The following EPSTI1 variants were observed in gnomAD, a reference collection of about 807,000 sequenced individuals.
The protein encoded by EPSTI1 is epithelial stromal interaction 1, also known as epithelial-stromal interaction protein 1.
EPSTI1 carries 66 observed loss-of-function variants against 49.9 expected under a neutral mutation model. The ratio of observed to expected loss-of-function variants is 1.32; its 90% CI spans 1.08 to 1.62. The LOEUF (loss-of-function observed/expected upper bound fraction) is 1.62, where lower values mean the gene tolerates loss of function less well. EPSTI1 is among the 40% of genes most tolerant of loss of function. EPSTI1 has a pLI of 0.00. For missense variants in EPSTI1, 394 were observed against 365.5 expected, an observed-to-expected ratio of 1.08 and a Z score of -0.64; for synonymous variants, 137 against 130.7, an observed-to-expected ratio of 1.05 and a Z score of -0.33.
At chr13:42,926,258 C>T (rs1186176697) in intron 7 of EPSTI1, 78 bp downstream of exon 7, 1 of 862,544 alleles carries the variant, frequency 1.2e-6, no homozygotes, top group African/African-American at 1.6e-5. Context: ...GTACAAGTCA[C>T]TCTATATCCC....
chr13:42,932,708 T>C (rs1007380338), intron 6 of EPSTI1, among the ~76,000 whole-genome samples: 1 of 151,438 alleles, frequency 6.6e-6, no homozygotes, highest in Non-Finnish European at 1.5e-5. Context: ...GATATTAGTA[T>C]AGTCTTAAAA....
At chr13:42,925,753 A>AG (rs2038151890) in intron 7 of EPSTI1, among the ~76,000 whole-genome samples, 1 of 152,238 alleles carries the variant, frequency 6.6e-6, no homozygotes, top group African/African-American at 2.4e-5. Flanking sequence ...ATACCTGGAA[A>AG]GACTCATCAC....
At chr13:42,921,010 A>G (rs1384719102) in intron 7 of EPSTI1, among the ~76,000 whole-genome samples, 1 of 152,198 alleles carries the variant, frequency 6.6e-6, no homozygotes, top group African/African-American at 2.4e-5. Flanking sequence ...AGTCACAGAT[A>G]ACTTACAGGA....
At chr13:42,890,039 T>C (rs1240094165) in intron 10 of EPSTI1, among the ~76,000 whole-genome samples, 2 of 152,142 alleles carry the variant, frequency 1.3e-5, no homozygotes, top group Admixed American at 6.5e-5. Flanking sequence ...CCGTCTGTCA[T>C]ACAAAAAACT....
chr13:42,935,892 C>T lies in EPSTI1; in HGVS notation c.564-9463G>A, dbSNP rs1380509399. The stretch of plus-strand genomic sequence containing the variant: ...GAGGTGTGAGCCACCATGCCCGGCC[C>T]ACTCATGAATTCTTCTCCTGTACCT... On this transcript the variant is annotated intron_variant, in intron 6 of 10. Coordinates refer to ENST00000313624, the MANE Select transcript of EPSTI1 (RefSeq NM_033255.5). Among the ~76,000 whole-genome samples the T allele has an allele frequency of 9.9e-5, 15 of 152,154 alleles. No homozygotes were observed. In the Middle Eastern group the frequency reaches 0.01, roughly 104 times the overall value.
In EPSTI1 at chr13:42,973,614, T is replaced by C. The variant is rs553131931; in HGVS notation, c.189-2944A>G. Among the ~76,000 whole-genome samples the C allele has an allele frequency of 3.9e-5, 6 of 152,342 alleles. No homozygotes were observed. The East Asian group carries it at 9.6e-4, about 24-fold the overall frequency. On this transcript the variant is annotated intron_variant, in intron 1 of 10. Transcript: ENST00000313624. ...CATGTGTCAGAGTGTAATGCCTTAG[T>C]AGATACAAATATTCATCCCTTCTTT...
chr13:42,904,528 T>A (rs1399933205), intron 8 of EPSTI1, among the ~76,000 whole-genome samples: 2 of 152,228 alleles, frequency 1.3e-5, no homozygotes, highest in Non-Finnish European at 2.9e-5. Context: ...GTAAGACGTA[T>A]ACATCTCTTG....
chr13:42,942,140 G>A (rs1414335705), intron 6 of EPSTI1, among the ~76,000 whole-genome samples: 1 of 151,966 alleles, frequency 6.6e-6, no homozygotes, highest in African/African-American at 2.4e-5. Flanking sequence ...AATTCAATTT[G>A]TCTCATACTA....
intron 1 of EPSTI1, among the ~76,000 whole-genome samples, chr13:42,981,398 A>G (rs9315977): frequency 0.64 from 96,770 of 151,998 alleles, 31,221 homozygotes; most frequent in Non-Finnish European, 0.67. Context: ...GATTATTGTT[A>G]GTAATATGTT....
chr13:42,972,133 C>G (rs915864315), intron 1 of EPSTI1, among the ~76,000 whole-genome samples: 2 of 152,078 alleles, frequency 1.3e-5, no homozygotes, highest in Middle Eastern at 3.2e-3. Flanking sequence ...ACATCAGATA[C>G]GAGACGTAAA....
chr13:42,921,332 A>G (rs1301842319), intron 7 of EPSTI1, among the ~76,000 whole-genome samples: 11 of 152,200 alleles, frequency 7.2e-5, no homozygotes, highest in Non-Finnish European at 2.9e-5. Context: ...TTAGAAGAGC[A>G]ATGCCTCAAA....
At chr13:42,936,753 C>T (rs1246860686) in intron 6 of EPSTI1, among the ~76,000 whole-genome samples, 1 of 152,178 alleles carries the variant, frequency 6.6e-6, no homozygotes, top group African/African-American at 2.4e-5. Flanking sequence ...TTCGTGTGTA[C>T]AACTGCCCAT....
chr13:42,960,462 C>T (rs1332496248), intron 5 of EPSTI1, among the ~76,000 whole-genome samples: 3 of 152,166 alleles, frequency 2.0e-5, no homozygotes, highest in South Asian at 2.1e-4. Flanking sequence ...TACTCTAATG[C>T]TCTAATGTCT....
chr13:42,956,211 G>A (rs773390155), intron 5 of EPSTI1, among the ~76,000 whole-genome samples: 5 of 152,186 alleles, frequency 3.3e-5, no homozygotes, highest in Admixed American at 1.3e-4. Context: ...ACTCCATCCT[G>A]AGCACGAGAG....
chr13:42,914,489 A>C (rs943890592), intron 8 of EPSTI1, among the ~76,000 whole-genome samples: 11 of 152,234 alleles, frequency 7.2e-5, no homozygotes, highest in Non-Finnish European at 1.5e-5. Context: ...TACAGAGTTC[A>C]GGGAGAAGAT....
chr13:42,930,805 A>T (rs1269796970), intron 6 of EPSTI1, among the ~76,000 whole-genome samples: 1 of 152,220 alleles, frequency 6.6e-6, no homozygotes, highest in African/African-American at 2.4e-5. Flanking sequence ...AACATCATGA[A>T]TTGTCAGGTA....
intron 3 of EPSTI1, among the ~76,000 whole-genome samples, chr13:42,965,198 T>C (rs751789233): frequency 1.9e-4 from 29 of 151,990 alleles, no homozygotes; most frequent in Non-Finnish European, 3.5e-4. Context: ...TTGTAAGGGG[T>C]AGAGAAATAG....
At chr13:42,987,421 T>C (rs1045698170) in intron 1 of EPSTI1, among the ~76,000 whole-genome samples, 4 of 152,084 alleles carry the variant, frequency 2.6e-5, no homozygotes, top group Non-Finnish European at 5.9e-5. Context: ...AGGAAAGATC[T>C]TCCTGCTCCC....
At position 42,980,549 on chromosome 13, in the gene EPSTI1, C is replaced by T. The variant is rs141879481; in HGVS notation, c.189-9879G>A. On this transcript the variant is annotated intron_variant, in intron 1 of 10. Coordinates refer to ENST00000313624, the MANE Select transcript of EPSTI1 (RefSeq NM_033255.5). ...TATAAAACCATCAGGTCTCATAAAA[C>T]TTACTCACTTTCGAGAACAGCACAG... Among the ~76,000 whole-genome samples, 512 of 152,248 alleles carry T rather than the reference C, an allele frequency of 3.4e-3. 3 individuals carry two copies. The highest frequency in any genetic ancestry group is 0.012 in the African/African-American group (479 of 41,544).
Sources: allele counts gnomAD v4.1 joint callset (sites outside exome capture counted in the v4.1 genomes callset), GRCh38; gene constraint gnomAD v4.1.1; transcripts MANE v1.5; gene names NCBI Gene and HGNC (gene_info 2026-07-23, HGNC 2026-07-21).